Variants in ALG13 observed in about 807,000 individuals in gnomAD.
ALG13 encodes ALG13 UDP-N-acetylglucosaminyltransferase subunit.
A neutral mutation model predicts 87.8 loss-of-function variants in ALG13; 11 were observed. The observed-to-expected ratio is 0.13, with a 90% CI of 0.08 to 0.21. The LOEUF is 0.21. Ranked by LOEUF, ALG13 falls within the 10% of genes least tolerant of loss-of-function variation. The pLI is 1.00. For missense variants in ALG13, 756 were observed against 866.1 expected, an observed-to-expected ratio of 0.87 and a Z score of 1.60; for synonymous variants, 320 against 306.3, an observed-to-expected ratio of 1.04 and a Z score of -0.47.
At chrX:111,705,528 C>T (rs1349179316) in intron 3 of ALG13, among the ~76,000 whole-genome samples, 1 of 111,218 alleles carries the variant, frequency 9.0e-6, no homozygotes, top group Non-Finnish European at 1.9e-5. Flanking sequence ...TGAGAACTCA[C>T]TGCCTAACCC....
intron 3 of ALG13, among the ~76,000 whole-genome samples, chrX:111,692,825 G>T (rs1286608670): frequency 9.0e-6 from 1 of 111,667 alleles, no homozygotes; most frequent in Non-Finnish European, 1.9e-5. Flanking sequence ...TTGAGACAGG[G>T]TCTCTCTGTC....
chrX:111,719,657 G>A (rs7057773), intron 10 of ALG13, among the ~76,000 whole-genome samples: 24,334 of 111,394 alleles, frequency 0.22, 6,373 homozygotes, highest in African/African-American at 0.75. Context: ...CTGGAGAAAA[G>A]TCTACTTCCC....
At chrX:111,748,265 A>G (rs1944415803) in intron 24 of ALG13, among the ~76,000 whole-genome samples, 1 of 112,247 alleles carries the variant, frequency 8.9e-6, no homozygotes, top group Non-Finnish European at 1.9e-5. Context: ...TGTCTTTCAC[A>G]GAGCAGATGT....
Position 111,712,465 on chromosome X carries a change from A to G in ALG13, c.886-19A>G, listed in dbSNP as rs773121084. 36 of 1,134,649 alleles carry G rather than the reference A, an allele frequency of 3.2e-5. No homozygotes were observed. Among genetic ancestry groups the G allele is most frequent in the Middle Eastern group, 2.5e-4 (1 of 4,065 alleles). 93.5% of individuals were successfully genotyped at this position (1,134,649 alleles called of 1,213,427 possible). Reference sequence around the variant, plus strand: ...GCTACAGAATGTTTTTTAAAACTCAATACACTATTTATGTTTAGGAAAGTG... The same window carrying G: ...GCTACAGAATGTTTTTTAAAACTCAGTACACTATTTATGTTTAGGAAAGTG... On this transcript the variant is annotated intron_variant, in intron 6 of 26. Coordinates refer to ENST00000394780, the MANE Select transcript of ALG13 (RefSeq NM_001099922.3).
chrX:111,684,780 T>C (rs1447621130), intron 2 of ALG13, among the ~76,000 whole-genome samples, 185 bp from the exon 3 acceptor site: 1 of 112,611 alleles, frequency 8.9e-6, no homozygotes, highest in African/African-American at 3.2e-5. Flanking sequence ...AAATAAAGTT[T>C]CTAGCACTTT....
At chrX:111,690,643 G>A (rs1393869736) in intron 3 of ALG13, among the ~76,000 whole-genome samples, 1 of 108,398 alleles carries the variant, frequency 9.2e-6, no homozygotes, top group Non-Finnish European at 1.9e-5. Flanking sequence ...TAGTAGGGAC[G>A]GGGTTTCACC....
intron 2 of ALG13, among the ~76,000 whole-genome samples, chrX:111,683,638 C>T (rs1026462187): frequency 2.7e-5 from 3 of 110,758 alleles, no homozygotes; most frequent in African/African-American, 6.6e-5. Context: ...TGCACCCCTC[C>T]GGAGTTAATG....
chrX:111,725,031 A>G lies in ALG13; in HGVS notation c.1699A>G (p.Lys567Glu), dbSNP rs867244804. The change falls in exon 15 of 27, where the codon AAA (lysine) becomes GAA (glutamate). Residue 567 changes from lysine to glutamate, a missense_variant. Lys to Glu is a moderately conservative substitution (Grantham distance 56). Coordinates refer to ENST00000394780, the MANE Select transcript of ALG13 (RefSeq NM_001099922.3). ...CAGTCGGAAAGGAAGAGGTTACCAG[A>G]AAATGCCTGGGGGTTATGTCCCGGA... is the stretch of plus-strand genomic sequence containing the variant. ...MPSRKGRGYQ[K>E]MPGGYVPEIV... The G allele has an allele frequency of 8.3e-7, 1 of 1,211,625 alleles. No individual in the cohort carries two copies. The highest frequency in any genetic ancestry group is 2.2e-5 in the Admixed American group (1 of 46,069).
intron 14 of ALG13, 42 bp from the exon 15 acceptor site, chrX:111,724,892 C>T (rs374860848): frequency 1.1e-3 from 1,336 of 1,187,927 alleles, no homozygotes; most frequent in Non-Finnish European, 1.4e-3. Flanking sequence ...AAAGTTAAGT[C>T]TGTGTTGCAG....
Position 111,699,112 on chromosome X carries a change from T to C in ALG13, c.384-8915T>C, listed in dbSNP as rs761043876. On this transcript the variant is annotated intron_variant, in intron 3 of 26. Transcript: ENST00000394780. The stretch of plus-strand genomic sequence containing the variant: ...TTTGCATTTCTCTAATGATTAGTGA[T>C]GCTGAGCATTTTTTCATGTACTTGT... Among the ~76,000 whole-genome samples the C allele has an allele frequency of 5.4e-4, 61 of 112,424 alleles. 1 individual carries two copies. The highest frequency in any genetic ancestry group is 1.8e-3 in the African/African-American group (55 of 31,025).
At chrX:111,698,011 G>C (rs1205045389) in intron 3 of ALG13, among the ~76,000 whole-genome samples, 2 of 111,805 alleles carry the variant, frequency 1.8e-5, no homozygotes, top group East Asian at 2.8e-4. Context: ...TAAAATTAAG[G>C]TAATACATGT....
intron 19 of ALG13, among the ~76,000 whole-genome samples, chrX:111,728,962 T>A (rs776999015): frequency 1.8e-5 from 2 of 111,705 alleles, no homozygotes; most frequent in Non-Finnish European, 3.8e-5. Flanking sequence ...AATTTACATA[T>A]CATACAATTC....
At chrX:111,731,309 A>AT (rs929429537) in intron 21 of ALG13, among the ~76,000 whole-genome samples, 1 of 111,518 alleles carries the variant, frequency 9.0e-6, no homozygotes, top group Non-Finnish European at 1.9e-5. Context: ...CAGAGGTTTT[A>AT]TTTTTTCCCC....
intron 3 of ALG13, among the ~76,000 whole-genome samples, chrX:111,691,025 A>T (rs1274725818): frequency 9.0e-6 from 1 of 111,318 alleles, no homozygotes; most frequent in Non-Finnish European, 1.9e-5. Context: ...ATTTTGGGGA[A>T]ACATTTGGAA....
chrX:111,714,731 T>C (rs1427041352), intron 8 of ALG13, among the ~76,000 whole-genome samples: 1 of 111,933 alleles, frequency 8.9e-6, no homozygotes, highest in African/African-American at 3.2e-5. Flanking sequence ...CTTAGTATTC[T>C]TATCACATAT....
chrX:111,758,681 G>C (rs963727834), intron 26 of ALG13, among the ~76,000 whole-genome samples: 5 of 112,328 alleles, frequency 4.5e-5, no homozygotes. Context: ...AGATAAAACA[G>C]TGGATTTTAA....
Position 111,736,785 on chromosome X carries a change from T to C in ALG13, c.2601T>C (p.Gly867=). 1 of 1,210,679 alleles carries C rather than the reference T, an allele frequency of 8.3e-7. No homozygotes were observed. The highest frequency in any genetic ancestry group is 1.8e-5 in the South Asian group (1 of 56,914). Residue 867 remains glycine (G), a synonymous_variant, in exon 23 of 27, where the codon GGT becomes GGC. Transcript: ENST00000394780. ...NNVPAPVLSN[G]AAANQAISTT... ...TTCCAGCTCCAGTCTTATCTAACGG[T>C]GCAGCGGCTAATCAAGCTATTAGTA...
At position 111,712,880 on chromosome X, in the gene ALG13, T is replaced by G. The variant is rs759240937; in HGVS notation, c.933-345T>G. The stretch of plus-strand genomic sequence containing the variant: ...AAGCTGAAATGCCTATTTTCTAGCC[T>G]TTTGCCAAAAAAATTGCCAACCTCT... On this transcript the variant is annotated intron_variant, in intron 7 of 26. Coordinates refer to ENST00000394780, the MANE Select transcript of ALG13 (RefSeq NM_001099922.3). Among the ~76,000 whole-genome samples the G allele has an allele frequency of 2.0e-3, 222 of 111,113 alleles. 1 individual carries two copies. Among genetic ancestry groups the G allele is most frequent in the African/African-American group, 6.6e-3 (202 of 30,641 alleles).
At chrX:111,752,522 TCTC>T (rs1268731547) in intron 24 of ALG13, among the ~76,000 whole-genome samples, 1 of 110,413 alleles carries the variant, frequency 9.1e-6, no homozygotes, top group Non-Finnish European at 1.9e-5. Flanking sequence ...TTCAAGTGAT[TCTC>T]CTGCCTCAGC....
Sources: gnomAD v4.1 joint callset for allele counts (sites outside exome capture counted in the v4.1 genomes callset) on GRCh38, gnomAD v4.1.1 for gene constraint, MANE v1.5 for transcripts, NCBI Gene and HGNC (gene_info 2026-07-23, HGNC 2026-07-21) for gene names.